Variants in MOB3B observed in about 807,000 individuals in gnomAD.
The protein encoded by MOB3B is MOB kinase activator 3B, also known as MOB kinase activator-like 2B.
MOB3B carries 7 observed loss-of-function variants against 18.7 expected under a neutral mutation model. That is an observed-to-expected ratio of 0.37 (90% confidence interval 0.21 to 0.70). The LOEUF (loss-of-function observed/expected upper bound fraction) is 0.70, where lower values mean the gene tolerates loss of function less well. MOB3B is among the 30% of genes least tolerant of loss of function. The pLI, the probability that MOB3B is intolerant of heterozygous loss-of-function variation, is 0.52. For synonymous variants in MOB3B, 111 were observed against 99.9 expected, an observed-to-expected ratio of 1.11 and a Z score of -0.66; for missense variants, 253 against 281.3, an observed-to-expected ratio of 0.90 and a Z score of 0.72.
In MOB3B at chr9:27,524,328, G is replaced by GAA. The variant is rs112562467; in HGVS notation, c.-199+5226_-199+5227insTT. On this transcript the variant is annotated intron_variant, in intron 1 of 3. Coordinates refer to ENST00000262244, the MANE Select transcript of MOB3B (RefSeq NM_024761.5). ...ACACATCTTCTGGATTTTTTAGCTT[G>GAA]CAAAAAAAATGAGCACCAAACCTGA... 4.5e-3 allele frequency: 7,223 copies of GAA among 1,602,410 alleles called. 246 individuals carry two copies. The African/African-American group carries it at 0.083, about 18-fold the overall frequency.
chr9:27,506,832 ATTTTTT>A (rs71492749), intron 1 of MOB3B, among the ~76,000 whole-genome samples: 23 of 120,484 alleles, frequency 1.9e-4, no homozygotes, highest in East Asian at 9.4e-4. Context: ...ACCCCGGCTA[ATTTTTT>A]TTTTTTTTTT....
intron 1 of MOB3B, among the ~76,000 whole-genome samples, chr9:27,507,329 A>G (rs150241715): frequency 6.6e-6 from 1 of 152,268 alleles, no homozygotes; most frequent in East Asian, 1.9e-4. Flanking sequence ...CGTGTATCTC[A>G]GAATTCATAG....
At chr9:27,457,552 A>T (rs903473181) in intron 1 of MOB3B, among the ~76,000 whole-genome samples, 1 of 152,228 alleles carries the variant, frequency 6.6e-6, no homozygotes, top group Non-Finnish European at 1.5e-5. Context: ...CTCTTCGCTC[A>T]GAATTGCTAA....
intron 3 of MOB3B, among the ~76,000 whole-genome samples, chr9:27,345,215 A>G (rs1159953917): frequency 1.3e-5 from 2 of 152,120 alleles, no homozygotes; most frequent in African/African-American, 4.8e-5. Context: ...CTTTCAGGAC[A>G]AGGGAAAACT....
At chr9:27,354,943 T>C (rs1042661228) in intron 3 of MOB3B, among the ~76,000 whole-genome samples, 2 of 152,232 alleles carry the variant, frequency 1.3e-5, no homozygotes, top group Non-Finnish European at 2.9e-5. Context: ...TAACATTTCT[T>C]AAGCACTTCC....
intron 2 of MOB3B, among the ~76,000 whole-genome samples, chr9:27,451,710 C>G (rs943104663): frequency 6.6e-6 from 1 of 152,192 alleles, no homozygotes; most frequent in Admixed American, 6.5e-5. Context: ...CTAAGCAGAA[C>G]TCTCCATTTC....
Position 27,407,128 on chromosome 9 carries a change from C to T in MOB3B, c.419-47892G>A, listed in dbSNP as rs374956925. On this transcript the variant is annotated intron_variant, in intron 2 of 3. Transcript: ENST00000262244. ...CTGGGATTACAGGCATGAACTACCA[C>T]GCCCGGCCCAAAGATTTCTTGAGTA... 3.3e-5 allele frequency among the ~76,000 whole-genome samples: 5 copies of T among 152,140 alleles called. No individual in the cohort carries two copies. The East Asian group carries it at 5.8e-4, about 18-fold the overall frequency.
intron 2 of MOB3B, among the ~76,000 whole-genome samples, chr9:27,375,188 C>T (rs745831047): frequency 6.6e-6 from 1 of 152,206 alleles, no homozygotes; most frequent in African/African-American, 2.4e-5. Flanking sequence ...AAAATCATTA[C>T]CCTAGTAACA....
intron 2 of MOB3B, among the ~76,000 whole-genome samples, chr9:27,414,590 CT>C (rs1822118710): frequency 6.6e-6 from 1 of 152,228 alleles, no homozygotes; most frequent in East Asian, 1.9e-4. Context: ...GCTCCTGCTA[CT>C]GAGGTTATAC....
chr9:27,345,807 G>A (rs2131343684), intron 3 of MOB3B, among the ~76,000 whole-genome samples: 1 of 152,310 alleles, frequency 6.6e-6, no homozygotes, highest in African/African-American at 2.4e-5. Context: ...ACTTGACTGT[G>A]GTCCCACAGC....
chr9:27,478,330 TTAGCACCTCTAA>T (rs151310752), intron 1 of MOB3B, among the ~76,000 whole-genome samples: 2,707 of 152,234 alleles, frequency 0.018, 78 homozygotes, highest in African/African-American at 0.057. Flanking sequence ...AGCAGAAGAA[TTAGCACCTCTAA>T]GAACTTACAG....
intron 2 of MOB3B, among the ~76,000 whole-genome samples, chr9:27,407,517 G>C (rs1425459022): frequency 6.6e-6 from 1 of 152,126 alleles, no homozygotes; most frequent in Non-Finnish European, 1.5e-5. Flanking sequence ...TGAACCCCTG[G>C]GGCATGGAGA....
At chr9:27,499,443 T>C (rs1366671007) in intron 1 of MOB3B, among the ~76,000 whole-genome samples, 1 of 152,234 alleles carries the variant, frequency 6.6e-6, no homozygotes, top group African/African-American at 2.4e-5. Flanking sequence ...CTCAGGTTCT[T>C]ATTTAAAACT....
intron 1 of MOB3B, among the ~76,000 whole-genome samples, chr9:27,465,521 A>T (rs1819367985): frequency 6.6e-6 from 1 of 152,146 alleles, no homozygotes. Flanking sequence ...GGTCTGGAAG[A>T]CGATGGCCCT....
intron 2 of MOB3B, among the ~76,000 whole-genome samples, chr9:27,415,808 GAAGAGC>G (rs1822137332): frequency 6.6e-6 from 1 of 152,164 alleles, no homozygotes; most frequent in Non-Finnish European, 1.5e-5. Context: ...CCCCTTAACT[GAAGAGC>G]TGTTGCTGAG....
chr9:27,379,867 C>G (rs1385778612), intron 2 of MOB3B, among the ~76,000 whole-genome samples: 24 of 152,222 alleles, frequency 1.6e-4, no homozygotes, highest in African/African-American at 5.1e-4. Flanking sequence ...GTAAACTTTT[C>G]AATATAGTAC....
At chr9:27,519,896 T>C (rs1002538067) in intron 1 of MOB3B, among the ~76,000 whole-genome samples, 3 of 151,850 alleles carry the variant, frequency 2.0e-5, no homozygotes, top group African/African-American at 4.8e-5. Flanking sequence ...CAGAGGTGAC[T>C]GCGTTTGTCT....
chr9:27,458,360 G>A (rs532903404), intron 1 of MOB3B, among the ~76,000 whole-genome samples: 2 of 152,098 alleles, frequency 1.3e-5, no homozygotes, highest in East Asian at 3.9e-4. Flanking sequence ...CCTCTGACGG[G>A]AGCATGTGAA....
intron 1 of MOB3B, among the ~76,000 whole-genome samples, chr9:27,489,275 C>A (rs1819778245): frequency 6.6e-6 from 1 of 152,178 alleles, no homozygotes; most frequent in African/African-American, 2.4e-5. Flanking sequence ...CCAACAGAAG[C>A]CTTTTGTGTG....
Sources: gnomAD v4.1 joint callset for allele counts (sites outside exome capture counted in the v4.1 genomes callset) on GRCh38, gnomAD v4.1.1 for gene constraint, MANE v1.5 for transcripts, NCBI Gene and HGNC (gene_info 2026-07-23, HGNC 2026-07-21) for gene names.